Variants in CHST9 observed in about 807,000 individuals in gnomAD.
CHST9 encodes the protein carbohydrate sulfotransferase 9, also known as GalNAc-4-sulfotransferase 2.
CHST9 carries 41 observed loss-of-function variants against 44.4 expected under a neutral mutation model. The ratio of observed to expected loss-of-function variants is 0.92; its 90% CI spans 0.72 to 1.20. The LOEUF (loss-of-function observed/expected upper bound fraction) is 1.20, where lower values mean the gene tolerates loss of function less well. Among genes scored for constraint, CHST9 ranks in the 50% most tolerant of loss-of-function variants. The probability of loss-of-function intolerance (pLI) is 0.00; values close to 1 mark genes in which losing one functional copy is unlikely to be tolerated. For synonymous variants in CHST9, 171 were observed against 178.4 expected (o/e 0.96, Z 0.33); for missense variants, 504 against 516.5 (o/e 0.98, Z 0.23).
At chr18:26,923,034 C>T (rs1040345690) in intron 5 of CHST9, among the ~76,000 whole-genome samples, 8 of 152,180 alleles carry the variant, frequency 5.3e-5, no homozygotes, top group Non-Finnish European at 1.0e-4. Flanking sequence ...TCTTTCTCCC[C>T]GTCAAAGTTG....
chr18:26,967,356 C>A (rs181495461), intron 4 of CHST9, among the ~76,000 whole-genome samples: 1 of 152,118 alleles, frequency 6.6e-6, no homozygotes, highest in Non-Finnish European at 1.5e-5. Flanking sequence ...GCTTTTTACA[C>A]GTGTAGTAGG....
chr18:26,916,387 C>T lies in CHST9; in HGVS notation c.1204G>A (p.Asp402Asn), dbSNP rs768328169. Residue 402 changes from aspartate (D) to asparagine (N), a missense_variant, in exon 6 of 6, where the codon GAT becomes AAT. Asp to Asn is a conservative substitution (Grantham distance 23). Transcript: ENST00000618847. The stretch of plus-strand genomic sequence containing the variant: ...ACGACTTGAGCATTGGTTCTTTCAT[C>T]GGAAGAGTGCCTATCCTTAAAGTTG... ...FPNFKDRHSS[D>N]ERTNAQVVRQ... 87 of 1,613,646 alleles carry T rather than the reference C, an allele frequency of 5.4e-5. No individual in the cohort carries two copies. Among genetic ancestry groups the T allele is most frequent in the East Asian group, 1.3e-4 (6 of 44,888 alleles).
At chr18:27,086,822 A>G (rs1440562667) in intron 2 of CHST9, among the ~76,000 whole-genome samples, 5 of 152,198 alleles carry the variant, frequency 3.3e-5, no homozygotes, top group African/African-American at 1.2e-4. Context: ...TGAATCAGAG[A>G]AGATTCTAAC....
chr18:27,031,058 T>C (rs989728851), intron 3 of CHST9, among the ~76,000 whole-genome samples: 2 of 152,200 alleles, frequency 1.3e-5, no homozygotes, highest in Non-Finnish European at 1.5e-5. Context: ...TCACAACAGT[T>C]TCCCAAGTAT....
At chr18:26,976,852 A>G (rs1164746562) in intron 4 of CHST9, among the ~76,000 whole-genome samples, 1 of 152,094 alleles carries the variant, frequency 6.6e-6, no homozygotes, top group African/African-American at 2.4e-5. Context: ...AGTTTAGTAG[A>G]AGGAAAAAAA....
intron 5 of CHST9, among the ~76,000 whole-genome samples, chr18:26,920,579 G>A (rs999409237): frequency 6.6e-6 from 1 of 152,098 alleles, no homozygotes; most frequent in African/African-American, 2.4e-5. Flanking sequence ...GTGGTACTAA[G>A]CACACTGCCT....
At chr18:27,072,657 G>C (rs2057853850) in intron 2 of CHST9, among the ~76,000 whole-genome samples, 1 of 152,080 alleles carries the variant, frequency 6.6e-6, no homozygotes, top group African/African-American at 2.4e-5. Context: ...AGAAAATCAG[G>C]TCAGATCATC....
chr18:27,132,379 T>C (rs1567930578), intron 2 of CHST9, among the ~76,000 whole-genome samples: 1 of 152,166 alleles, frequency 6.6e-6, no homozygotes, highest in Non-Finnish European at 1.5e-5. Flanking sequence ...AACGAAGACA[T>C]TTCAGGATAT....
chr18:27,089,971 C>T (rs964261121), intron 2 of CHST9, among the ~76,000 whole-genome samples: 18 of 152,058 alleles, frequency 1.2e-4, no homozygotes, highest in African/African-American at 3.4e-4. Context: ...CCACCACGCC[C>T]GGCTAATTTT....
intron 4 of CHST9, among the ~76,000 whole-genome samples, chr18:26,990,005 C>T (rs1346728074): frequency 2.6e-5 from 4 of 151,752 alleles, no homozygotes; most frequent in African/African-American, 9.7e-5. Context: ...AGTTCATCAA[C>T]AGGAGAATGG....
chr18:27,025,703 C>A (rs2057278109), intron 3 of CHST9, among the ~76,000 whole-genome samples: 1 of 152,142 alleles, frequency 6.6e-6, no homozygotes, highest in Non-Finnish European at 1.5e-5. Flanking sequence ...AACTGATCCC[C>A]AGGGGCTGGA....
At chr18:26,959,569 ACATTAACAGAAG>A (rs2056372877) in intron 4 of CHST9, among the ~76,000 whole-genome samples, 1 of 152,230 alleles carries the variant, frequency 6.6e-6, no homozygotes, top group Admixed American at 6.5e-5. Flanking sequence ...TCTGGATAGG[ACATTAACAGAAG>A]CAGATTAGGG....
intron 2 of CHST9, among the ~76,000 whole-genome samples, chr18:27,105,472 G>C (rs182420226): frequency 1.3e-5 from 2 of 152,236 alleles, no homozygotes; most frequent in Admixed American, 1.3e-4. Context: ...CTGCAGAAAA[G>C]TTATGCATGT....
In CHST9 at chr18:26,945,876, T is replaced by G. The variant is rs1328556550; in HGVS notation, c.203-1510A>C. ...CAAAAAAAGATGTCCCAAGTGAAAC[T>G]TACTGGCCAATTAGTCAACCAATAA... On this transcript the variant is annotated intron_variant, in intron 4 of 5. Coordinates refer to ENST00000618847, the MANE Select transcript of CHST9 (RefSeq NM_031422.6). Among the ~76,000 whole-genome samples, 3 of 152,180 alleles carry G rather than the reference T, an allele frequency of 2.0e-5. No homozygotes were observed. In the East Asian group the frequency reaches 5.8e-4, roughly 29 times the overall value.
At chr18:27,066,404 T>C (rs2057782796) in intron 2 of CHST9, among the ~76,000 whole-genome samples, 1 of 152,184 alleles carries the variant, frequency 6.6e-6, no homozygotes, top group African/African-American at 2.4e-5. Context: ...AAATGACAAA[T>C]ATAAATTCAC....
At chr18:27,009,332 A>T (rs1394381967) in intron 4 of CHST9, among the ~76,000 whole-genome samples, 1 of 151,778 alleles carries the variant, frequency 6.6e-6, no homozygotes, top group East Asian at 1.9e-4. Context: ...ATGACAAAGA[A>T]CTCTTTCCTA....
intron 1 of CHST9, among the ~76,000 whole-genome samples, chr18:27,168,191 C>T (rs1004194386): frequency 1.4e-4 from 21 of 151,820 alleles, no homozygotes; most frequent in African/African-American, 4.6e-4. Flanking sequence ...TCTCCGGCCT[C>T]GGCCTCTTGA....
At chr18:26,988,733 TACAC>T (rs1204186859) in intron 4 of CHST9, among the ~76,000 whole-genome samples, 1 of 152,152 alleles carries the variant, frequency 6.6e-6, no homozygotes, top group Admixed American at 6.6e-5. Flanking sequence ...AATAGGATAA[TACAC>T]ACTTTTCAAG....
intron 5 of CHST9, 130 bp from the exon 6 acceptor site, chr18:26,917,480 T>C: frequency 9.6e-7 from 1 of 1,043,302 alleles, no homozygotes; most frequent in Non-Finnish European, 1.4e-6. Context: ...GCCAGAACAA[T>C]TTAGCAAGGC....
Sources: gnomAD v4.1 joint callset for allele counts (sites outside exome capture counted in the v4.1 genomes callset) on GRCh38, gnomAD v4.1.1 for gene constraint, MANE v1.5 for transcripts, NCBI Gene and HGNC (gene_info 2026-07-23, HGNC 2026-07-21) for gene names.